PPP2R5D: variants seen among roughly 807,000 people sequenced by gnomAD.
PPP2R5D encodes the protein protein phosphatase 2 regulatory subunit B'delta.
Under a neutral mutation model 79.1 loss-of-function variants are expected in PPP2R5D, and 12 were observed. That is an observed-to-expected ratio of 0.15 (90% CI 0.10 to 0.25). PPP2R5D has a LOEUF of 0.25. Ranked by LOEUF, PPP2R5D falls within the 10% of genes least tolerant of loss-of-function variation. The probability of loss-of-function intolerance (pLI) is 1.00; values close to 1 mark genes in which losing one functional copy is unlikely to be tolerated. For synonymous variants in PPP2R5D, 277 were observed against 286.6 expected (o/e 0.97, Z 0.34); for missense variants, 419 against 760.2 (o/e 0.55, Z 5.28).
chr6:43,009,600 G>A lies in PPP2R5D; in HGVS notation c.1379+151G>A. On this transcript the variant is annotated intron_variant, in intron 12 of 15. Coordinates refer to ENST00000485511, the MANE Select transcript of PPP2R5D (RefSeq NM_006245.4). The surrounding 1 kb of genome is among the most constrained non-coding windows in gnomAD (Gnocchi z 5.6). ...TTGATAGGACCTTGAGGGGCTGACT[G>A]GAGCGAAAAGATGCCTGTGTGCAAG... 1.8e-6 allele frequency: 2 copies of A among 1,134,682 alleles called. No homozygotes were observed. Among genetic ancestry groups the A allele is most frequent in the South Asian group, 1.5e-5 (1 of 66,844 alleles). 70.3% of individuals were successfully genotyped at this position (1,134,682 alleles called of 1,614,324 possible).
At chr6:42,986,353 G>A (rs1470389495) in intron 1 of PPP2R5D, among the ~76,000 whole-genome samples, 2 of 152,086 alleles carry the variant, frequency 1.3e-5, no homozygotes, top group African/African-American at 4.8e-5. Flanking sequence ...GACCCCAGAG[G>A]TATATTGCTT....
At chr6:42,996,653 GCT>G (rs1162067976) in intron 2 of PPP2R5D, among the ~76,000 whole-genome samples, 2 of 152,168 alleles carry the variant, frequency 1.3e-5, no homozygotes, top group African/African-American at 4.8e-5. Context: ...TGGACTGTGA[GCT>G]CTTTGATGGC....
Position 43,012,176 on chromosome 6 carries a change from C to A in PPP2R5D, c.*890C>A. The A allele has an allele frequency of 9.0e-7, 1 of 1,113,074 alleles. No homozygotes were observed. The highest frequency in any genetic ancestry group is 1.1e-6 in the Non-Finnish European group (1 of 912,080). 68.9% of individuals were successfully genotyped at this position (1,113,074 alleles called of 1,614,324 possible). ...TCCCTTATAGGTACCTTGGAGGGGC[C>A]AGGGGCTGAGGAAGGCCGGACCCAG... On this transcript the variant is annotated 3_prime_UTR_variant, in exon 16 of 16. Transcript: ENST00000485511.
rs750052100 is a variant in PPP2R5D at position 43,006,180 on chromosome 6, A to G, written c.106-283A>G. Among the ~76,000 whole-genome samples, 9 of 152,080 alleles carry G rather than the reference A, an allele frequency of 5.9e-5. No homozygotes were observed. The highest frequency in any genetic ancestry group is 4.4e-5 in the Non-Finnish European group (3 of 68,000). ...ACTTTTTTGACTTCTGTCACCATCA[A>G]TCTATCAATTAGCTTTACCTGTTCA... On this transcript the variant is annotated intron_variant, in intron 2 of 15. Transcript: ENST00000485511. This position sits in a 1 kb window ranked among gnomAD's most constrained non-coding sequence, Gnocchi z 4.7.
chr6:43,007,523 C>T lies in PPP2R5D; in HGVS notation c.726+17C>T. The T allele has an allele frequency of 6.3e-7, 1 of 1,577,852 alleles. No individual in the cohort carries two copies. Among genetic ancestry groups the T allele is most frequent in the East Asian group, 2.2e-5 (1 of 44,692 alleles). On this transcript the variant is annotated intron_variant, in intron 6 of 15. Transcript: ENST00000485511. This position sits in a 1 kb window ranked among gnomAD's most constrained non-coding sequence, Gnocchi z 4.5. ...GTACTTGCTGTGAGTCCCCGAGTTCCTGTCCTTGCCCTCTCTTTCCATTCC... is the reference window on the plus strand; with the variant it reads ...GTACTTGCTGTGAGTCCCCGAGTTCTTGTCCTTGCCCTCTCTTTCCATTCC...
chr6:42,993,876 G>A (rs1206027000), intron 2 of PPP2R5D, among the ~76,000 whole-genome samples: 2 of 152,182 alleles, frequency 1.3e-5, no homozygotes, highest in Admixed American at 6.5e-5. Context: ...GGAGGGGGTA[G>A]GGGACTGGAT....
At chr6:42,994,070 G>A (rs1305455395) in intron 2 of PPP2R5D, among the ~76,000 whole-genome samples, 1 of 152,162 alleles carries the variant, frequency 6.6e-6, no homozygotes, top group Non-Finnish European at 1.5e-5. Flanking sequence ...ACTTTGGGAG[G>A]CCGAGGAGGG....
intron 2 of PPP2R5D, among the ~76,000 whole-genome samples, chr6:43,000,407 G>GT (rs963662686): frequency 3.3e-5 from 5 of 150,624 alleles, no homozygotes; most frequent in Admixed American, 6.6e-5. Flanking sequence ...CCAGCTAATT[G>GT]TTTTTTTGCA....
At chr6:43,011,044 A>AG (rs923446189) in intron 15 of PPP2R5D, 47 bp downstream of exon 15, 1 of 1,608,142 alleles carries the variant, frequency 6.2e-7, no homozygotes, top group Admixed American at 1.7e-5. Flanking sequence ...TAGCTCTGGA[A>AG]GGGAGAGGAG....
chr6:42,990,268 G>A (rs1179074026), intron 2 of PPP2R5D, among the ~76,000 whole-genome samples: 1 of 152,238 alleles, frequency 6.6e-6, no homozygotes, highest in Non-Finnish European at 1.5e-5. Context: ...GTATGTCCAT[G>A]AAAGTTTGGG....
In PPP2R5D at chr6:43,012,319, C is replaced by G; in HGVS notation, c.*1033C>G. On this transcript the variant is annotated 3_prime_UTR_variant, in exon 16 of 16. Transcript: ENST00000485511. ...GACCGATGTCCCCATATGTACAGAA[C>G]TGAATAAAGTGGGTCTCTGAGAAGT... is the stretch of plus-strand genomic sequence containing the variant. 6 of 1,459,598 alleles carry G rather than the reference C, an allele frequency of 4.1e-6. No homozygotes were observed. The highest frequency in any genetic ancestry group is 4.5e-6 in the Non-Finnish European group (5 of 1,107,070). 90.4% of individuals were successfully genotyped at this position (1,459,598 alleles called of 1,614,324 possible).
chr6:42,984,913 TC>T (rs1770717313), intron 1 of PPP2R5D, among the ~76,000 whole-genome samples: 1 of 88,360 alleles, frequency 1.1e-5, no homozygotes, highest in Non-Finnish European at 2.2e-5. Flanking sequence ...CCGGAGAGAC[TC>T]CCCCCACATA....
chr6:43,005,892 G>T (rs1247226118), intron 2 of PPP2R5D, among the ~76,000 whole-genome samples: 4 of 152,156 alleles, frequency 2.6e-5, no homozygotes, highest in Admixed American at 1.3e-4. Context: ...AAAGTGCTGG[G>T]ATTACAAGTG....
In PPP2R5D at chr6:43,003,925, G is replaced by A. The variant is rs551292631; in HGVS notation, c.106-2538G>A. 2.1e-3 allele frequency among the ~76,000 whole-genome samples: 317 copies of A among 150,786 alleles called. 2 individuals are homozygous for A. The highest frequency in any genetic ancestry group is 0.014 in the Middle Eastern group (4 of 286). On this transcript the variant is annotated intron_variant, in intron 2 of 15. Transcript: ENST00000485511. ...AATTTTTTGTATTTTTAGTAGAGAC[G>A]GGGTGGATGGTCTCGATCTCCTGAC...
chr6:43,008,892 A>T lies in PPP2R5D; in HGVS notation c.1080+146A>T. On this transcript the variant is annotated intron_variant, in intron 10 of 15. Coordinates refer to ENST00000485511, the MANE Select transcript of PPP2R5D (RefSeq NM_006245.4). This position sits in a 1 kb window ranked among gnomAD's most constrained non-coding sequence, Gnocchi z 4.2. ...GTTTCCTCTCTGAAGGGGAAGCAAA[A>T]CCTATATACACCTAGGAAACAGATC... is the stretch of plus-strand genomic sequence containing the variant. 8.1e-7 allele frequency: 1 copy of T among 1,235,926 alleles called. No homozygotes were observed. Among genetic ancestry groups the T allele is most frequent in the South Asian group, 1.4e-5 (1 of 70,966 alleles). The allele number at this position is 1,235,926 out of a possible 1,614,324, so 76.6% of individuals were successfully genotyped here.
At chr6:42,998,221 C>G (rs1413727299) in intron 2 of PPP2R5D, among the ~76,000 whole-genome samples, 1 of 147,416 alleles carries the variant, frequency 6.8e-6, no homozygotes. Context: ...AATACAGGTG[C>G]GTGCCACCAC....
intron 2 of PPP2R5D, among the ~76,000 whole-genome samples, chr6:42,990,708 T>A (rs1163918540): frequency 1.5e-5 from 2 of 133,072 alleles, no homozygotes; most frequent in Non-Finnish European, 3.2e-5. Context: ...ACTTTTTTTT[T>A]TTTTTTTTTT....
chr6:42,991,011 C>A (rs1771228753), intron 2 of PPP2R5D, among the ~76,000 whole-genome samples: 1 of 152,186 alleles, frequency 6.6e-6, no homozygotes, highest in Non-Finnish European at 1.5e-5. Context: ...TGCACCCGGC[C>A]CTTATGCGGT....
chr6:42,985,839 G>A (rs1264261761), intron 1 of PPP2R5D, among the ~76,000 whole-genome samples: 19 of 149,322 alleles, frequency 1.3e-4, no homozygotes, highest in South Asian at 4.2e-4. Context: ...GTGCAATGGC[G>A]CGATCTCGGC....
Sources: allele counts gnomAD v4.1 joint callset (sites outside exome capture counted in the v4.1 genomes callset), GRCh38; gene constraint gnomAD v4.1.1; non-coding constraint Gnocchi (gnomAD v3.1); transcripts MANE v1.5; gene names NCBI Gene and HGNC (gene_info 2026-07-23, HGNC 2026-07-21).